The following LRRC37A2 variants were observed in gnomAD, a reference collection of about 807,000 sequenced individuals.
LRRC37A2 encodes the protein leucine rich repeat containing 37 member A2.
Under a neutral mutation model 68.8 loss-of-function variants are expected in LRRC37A2, and 9 were observed. The observed-to-expected ratio is 0.13, with a 90% CI of 0.08 to 0.23. The LOEUF is 0.23. LRRC37A2 is among the 10% of genes least tolerant of loss of function. LRRC37A2 has a pLI of 1.00. For synonymous variants in LRRC37A2, 63 were observed against 367.6 expected (o/e 0.17, Z 9.48); for missense variants, 168 against 950.4 (o/e 0.18, Z 10.82).
the LRRC37A2 span, among the ~76,000 whole-genome samples, chr17:46,836,844 T>C: frequency 6.6e-6 from 1 of 152,206 alleles, no homozygotes; most frequent in Non-Finnish European, 1.5e-5. Flanking sequence ...AAAAGCTAGA[T>C]GTGTGAATAA....
At chr17:46,987,321 G>A in the LRRC37A2 span, among the ~76,000 whole-genome samples, 2 of 152,046 alleles carry the variant, frequency 1.3e-5, no homozygotes, top group South Asian at 4.2e-4. Context: ...AACATCAGAA[G>A]AGATGGCTAA....
the LRRC37A2 span, among the ~76,000 whole-genome samples, chr17:46,962,945 A>G: frequency 6.6e-6 from 1 of 152,226 alleles, no homozygotes; most frequent in South Asian, 2.1e-4. Flanking sequence ...CCTTTCAAAC[A>G]TACTTAGAGG....
chr17:46,946,986 C>T, the LRRC37A2 span, among the ~76,000 whole-genome samples: 1 of 152,274 alleles, frequency 6.6e-6, no homozygotes, highest in African/African-American at 2.4e-5. Context: ...CTGACTGCTG[C>T]CCCTGGGGAA....
chr17:46,850,268 A>G, the LRRC37A2 span, among the ~76,000 whole-genome samples: 40 of 152,380 alleles, frequency 2.6e-4, no homozygotes, highest in African/African-American at 9.6e-4. Context: ...ACATTGGGCC[A>G]TGTGGCCTCA....
At chr17:46,768,487 T>G in the LRRC37A2 span, 1 of 1,614,148 alleles carries the variant, frequency 6.2e-7, no homozygotes, top group Non-Finnish European at 8.5e-7. This position sits in a 1 kb window ranked among gnomAD's most constrained non-coding sequence, Gnocchi z 5.0. Flanking sequence ...GAGGTGACAT[T>G]GCAAGTCCGG....
the LRRC37A2 span, among the ~76,000 whole-genome samples, chr17:46,502,040 G>A: frequency 6.6e-6 from 1 of 151,386 alleles, no homozygotes; most frequent in East Asian, 1.9e-4. Flanking sequence ...ATATGGTAAA[G>A]GTATGGTAAA....
the LRRC37A2 span, among the ~76,000 whole-genome samples, chr17:46,803,040 C>A: frequency 1.4e-3 from 219 of 152,248 alleles, no homozygotes; most frequent in Non-Finnish European, 2.5e-3. Context: ...AAGACCTCAA[C>A]CTATGGGATC....
chr17:46,532,820 T>G lies in LRRC37A2; in HGVS notation c.2907-7356T>G, dbSNP rs1323569481. ...TTTAATAATTTGGTCTTCTGTATTTTTGCAGTGCAGTGGCTCACACCTGTC... is the reference window on the plus strand; with the variant it reads ...TTTAATAATTTGGTCTTCTGTATTTGTGCAGTGCAGTGGCTCACACCTGTC... On this transcript the variant is annotated intron_variant, in intron 6 of 14. Coordinates refer to ENST00000576629, the Ensembl canonical transcript of LRRC37A2. Among the ~76,000 whole-genome samples the G allele has an allele frequency of 6.5e-4, 98 of 149,720 alleles. 7 individuals are homozygous for G. The highest frequency in any genetic ancestry group is 2.2e-3 in the African/African-American group (87 of 39,514).
At chr17:46,932,611 C>G in the LRRC37A2 span, 1 of 372,754 alleles carries the variant, frequency 2.7e-6, no homozygotes, top group Non-Finnish European at 4.8e-6. Context: ...GTGTGTGGCT[C>G]CAGTGTCAGG....
chr17:46,840,329 A>G, the LRRC37A2 span, among the ~76,000 whole-genome samples: 1 of 151,694 alleles, frequency 6.6e-6, no homozygotes, highest in Non-Finnish European at 1.5e-5. Context: ...CTCATGATCC[A>G]CCCGCCTCGG....
At chr17:46,936,804 C>T in the LRRC37A2 span, 3 of 984,270 alleles carry the variant, frequency 3.0e-6, no homozygotes, top group Non-Finnish European at 3.6e-6. Context: ...AAATACATTT[C>T]TCTGATCTCT....
At chr17:46,866,894 G>A in the LRRC37A2 span, among the ~76,000 whole-genome samples, 1 of 152,152 alleles carries the variant, frequency 6.6e-6, no homozygotes, top group Non-Finnish European at 1.5e-5. Flanking sequence ...GGTCCTCTTA[G>A]GTGATGAGAA....
At chr17:46,848,844 G>T in the LRRC37A2 span, among the ~76,000 whole-genome samples, 2 of 152,154 alleles carry the variant, frequency 1.3e-5, no homozygotes, top group Non-Finnish European at 2.9e-5. Context: ...TTTTTCATCT[G>T]TGCAATGGAG....
At chr17:46,859,389 C>A in the LRRC37A2 span, among the ~76,000 whole-genome samples, 1 of 151,624 alleles carries the variant, frequency 6.6e-6, no homozygotes, top group African/African-American at 2.4e-5. Context: ...TGTTTCAGTG[C>A]CATTTGTTGA....
At chr17:46,923,619 A>G in the LRRC37A2 span, 10 of 1,245,030 alleles carry the variant, frequency 8.0e-6, no homozygotes, top group African/African-American at 1.5e-5. Flanking sequence ...GTACTGTTTA[A>G]TTGGAGAGTC....
rs1339921760 is a variant in LRRC37A2 at position 46,528,716 on chromosome 17, C to G, written c.2906+4832C>G. ...CTCCAGCCTGGGCAACAGAGTGAGACTTCATCTCAAAAAAAAAAAAAAAAA... is the reference window on the plus strand; with the variant it reads ...CTCCAGCCTGGGCAACAGAGTGAGAGTTCATCTCAAAAAAAAAAAAAAAAA... On this transcript the variant is annotated intron_variant, in intron 6 of 14. Coordinates refer to ENST00000576629, the Ensembl canonical transcript of LRRC37A2. 1.7e-5 allele frequency: 11 copies of G among 659,464 alleles called. No individual in the cohort carries two copies. The East Asian group carries it at 3.1e-4, about 18-fold the overall frequency. 40.9% of individuals were successfully genotyped at this position (659,464 alleles called of 1,614,324 possible). A position where few individuals can be genotyped will look rare whatever the true frequency, so the allele number is the denominator to read the frequency against.
At chr17:46,897,104 C>A in the LRRC37A2 span, among the ~76,000 whole-genome samples, 1 of 152,194 alleles carries the variant, frequency 6.6e-6, no homozygotes, top group Non-Finnish European at 1.5e-5. Context: ...TCTGCTGCGA[C>A]CGCTCGAGTA....
chr17:46,772,018 C>G, the LRRC37A2 span, among the ~76,000 whole-genome samples: 6 of 151,558 alleles, frequency 4.0e-5, no homozygotes, highest in East Asian at 1.2e-3. Context: ...CTGCCCGACC[C>G]GCTGCGCCCC....
chr17:46,774,350 ACG>A, the LRRC37A2 span, among the ~76,000 whole-genome samples: 1 of 152,204 alleles, frequency 6.6e-6, no homozygotes, highest in Middle Eastern at 3.4e-3. Flanking sequence ...CTCATGGGAC[ACG>A]CGCGCGCGCG....
Sources: gnomAD v4.1 joint callset for allele counts (sites outside exome capture counted in the v4.1 genomes callset) on GRCh38, gnomAD v4.1.1 for gene constraint, Gnocchi (gnomAD v3.1) non-coding constraint, MANE v1.5 for transcripts, NCBI Gene and HGNC (gene_info 2026-07-23, HGNC 2026-07-21) for gene names.